Variants in KCNG2 observed in about 807,000 individuals in gnomAD.
The protein encoded by KCNG2 is voltage-gated potassium channel regulatory subunit KCNG2.
KCNG2 carries 7 observed loss-of-function variants against 12.3 expected under a neutral mutation model. The ratio of observed to expected loss-of-function variants is 0.57; its 90% CI spans 0.32 to 1.07. The LOEUF is 1.07. Ranked by LOEUF, KCNG2 falls within the 50% of genes least tolerant of loss-of-function variation. KCNG2 has a pLI of 0.04. For missense variants in KCNG2, 703 were observed against 726.0 expected, an observed-to-expected ratio of 0.97 and a Z score of 0.36; for synonymous variants, 414 against 351.4, an observed-to-expected ratio of 1.18 and a Z score of -1.99.
At position 79,798,025 on chromosome 18, in the gene KCNG2, G is replaced by A. The variant is rs1031786269; in HGVS notation, c.-115+11G>A. ...GAGTCTGGACCGCAGGTAAAGTTGA[G>A]CGCGCCGTGGGGCCGGGGGTGGGGG... On this transcript the variant is annotated intron_variant, in intron 1 of 3. Transcript: ENST00000316249. Among the ~76,000 whole-genome samples the A allele has an allele frequency of 2.0e-5, 3 of 146,686 alleles. No individual in the cohort carries two copies. Among genetic ancestry groups the A allele is most frequent in the Non-Finnish European group, 4.6e-5 (3 of 65,568 alleles).
At chr18:79,817,083 A>G (rs548551394) in intron 1 of KCNG2, among the ~76,000 whole-genome samples, 2 of 150,008 alleles carry the variant, frequency 1.3e-5, no homozygotes, top group African/African-American at 4.9e-5. Flanking sequence ...CACGGCTGCC[A>G]CTCACATGCC....
chr18:79,843,933 A>G (rs1978542121), intron 1 of KCNG2, among the ~76,000 whole-genome samples: 2 of 152,216 alleles, frequency 1.3e-5, no homozygotes, highest in Admixed American at 1.3e-4. Flanking sequence ...AAGACATAGA[A>G]TCACTGAATG....
At position 79,884,622 on chromosome 18, in the gene KCNG2, C is replaced by T. The variant is rs771800397; in HGVS notation, c.625-14418C>T. Among the ~76,000 whole-genome samples the T allele has an allele frequency of 2.0e-5, 3 of 152,172 alleles. No individual in the cohort carries two copies. Among genetic ancestry groups the T allele is most frequent in the Admixed American group, 1.3e-4 (2 of 15,290 alleles). The stretch of plus-strand genomic sequence containing the variant: ...TTCTAGATTCTGGGATTCCTTTCAT[C>T]GTTGCTTTTTGTGTTTTCTACCTAG... On this transcript the variant is annotated intron_variant, in intron 3 of 3. Coordinates refer to ENST00000316249, the MANE Select transcript of KCNG2 (RefSeq NM_012283.2). The surrounding 1 kb of genome is among the most constrained non-coding windows in gnomAD (Gnocchi z 5.5).
At chr18:79,846,409 T>A (rs1978631415) in intron 1 of KCNG2, among the ~76,000 whole-genome samples, 1 of 147,008 alleles carries the variant, frequency 6.8e-6, no homozygotes, top group African/African-American at 2.5e-5. Context: ...TGAGACTCTG[T>A]CTCAGAAAAA....
At position 79,864,285 on chromosome 18, in the gene KCNG2, G is replaced by T; in HGVS notation, c.618G>T (p.Glu206Asp). ...CCATGCCGGACATCCGCGCCGAGGA[G>T]GAGCGGGTGAGCGCGGCCGGGGGTG... Reference protein sequence around the residue: ...LSTMPDIRAEEERGECSPKCR... With the variant: ...LSTMPDIRAEDERGECSPKCR... The change falls in exon 3 of 4, where the codon GAG becomes GAT. Residue 206 changes from glutamate to aspartate, a missense_variant. Physicochemically the swap from Glu to Asp is conservative, Grantham distance 45. Transcript: ENST00000316249. 1 of 1,536,804 alleles carries T rather than the reference G, an allele frequency of 6.5e-7. No individual in the cohort carries two copies. Among genetic ancestry groups the T allele is most frequent in the Non-Finnish European group, 8.7e-7 (1 of 1,148,150 alleles).
rs138022224 is a variant in KCNG2 at position 79,895,953 on chromosome 18, A to G, written c.625-3087A>G. On this transcript the variant is annotated intron_variant, in intron 3 of 3. Coordinates refer to ENST00000316249, the MANE Select transcript of KCNG2 (RefSeq NM_012283.2). The stretch of plus-strand genomic sequence containing the variant: ...TTTTCTAATGGAGCATTTTAATTCC[A>G]CTAATTAGATATATATATGTATTTT... 1.7e-4 allele frequency among the ~76,000 whole-genome samples: 26 copies of G among 152,140 alleles called. 1 individual carries two copies. The East Asian group carries it at 4.8e-3, about 28-fold the overall frequency.
intron 1 of KCNG2, among the ~76,000 whole-genome samples, chr18:79,802,678 C>T (rs1017734175): frequency 5.9e-5 from 9 of 152,190 alleles, no homozygotes; most frequent in African/African-American, 1.9e-4. Flanking sequence ...AGATTCTGAG[C>T]GTACAGTGGT....
chr18:79,897,339 TCTA>T (rs1169567810), intron 3 of KCNG2, among the ~76,000 whole-genome samples: 1 of 152,222 alleles, frequency 6.6e-6, no homozygotes, highest in Non-Finnish European at 1.5e-5. Flanking sequence ...CCAGTTAAAA[TCTA>T]CTTTTAAGCT....
chr18:79,810,029 C>T (rs769787737), intron 1 of KCNG2, among the ~76,000 whole-genome samples: 2 of 152,226 alleles, frequency 1.3e-5, no homozygotes, highest in Admixed American at 6.5e-5. Context: ...CGGAGCCGCC[C>T]GCCCATTGCG....
At chr18:79,827,854 T>C (rs1475833646) in intron 1 of KCNG2, among the ~76,000 whole-genome samples, 5 of 152,186 alleles carry the variant, frequency 3.3e-5, no homozygotes, top group Admixed American at 3.3e-4. Flanking sequence ...ATAATCCTTT[T>C]ACCTATATGT....
intron 3 of KCNG2, among the ~76,000 whole-genome samples, chr18:79,880,917 C>A (rs1329386802): frequency 6.6e-6 from 1 of 152,208 alleles, no homozygotes; most frequent in East Asian, 1.9e-4. Flanking sequence ...ATTTTTAAAA[C>A]AGCACTTTCA....
chr18:79,871,541 A>G (rs1221892199), intron 3 of KCNG2, among the ~76,000 whole-genome samples: 1 of 152,032 alleles, frequency 6.6e-6, no homozygotes. Context: ...GGGCCACAAC[A>G]GATCCAAACT....
intron 1 of KCNG2, among the ~76,000 whole-genome samples, chr18:79,805,383 C>T (rs1359072693): frequency 6.6e-6 from 1 of 152,184 alleles, no homozygotes; most frequent in Non-Finnish European, 1.5e-5. Context: ...GAGGGCCTGC[C>T]GCGCACTCGG....
At chr18:79,840,534 T>C (rs1487734470) in intron 1 of KCNG2, among the ~76,000 whole-genome samples, 1 of 152,130 alleles carries the variant, frequency 6.6e-6, no homozygotes, top group East Asian at 1.9e-4. Context: ...CTCCCCAAAT[T>C]GATATAAAAA....
intron 3 of KCNG2, among the ~76,000 whole-genome samples, chr18:79,877,937 G>A (rs902656266): frequency 2.6e-5 from 4 of 152,202 alleles, no homozygotes; most frequent in Non-Finnish European, 4.4e-5. Context: ...CTTGCCCACC[G>A]GGCTGCATGC....
chr18:79,815,482 A>G (rs971268493), intron 1 of KCNG2, among the ~76,000 whole-genome samples: 9 of 150,938 alleles, frequency 6.0e-5, no homozygotes, highest in African/African-American at 2.2e-4. Context: ...GGTTTATGAG[A>G]GTGTTGGGGA....
At chr18:79,806,301 C>T (rs541203074) in intron 1 of KCNG2, among the ~76,000 whole-genome samples, 5 of 151,930 alleles carry the variant, frequency 3.3e-5, no homozygotes, top group East Asian at 1.9e-4. Flanking sequence ...GCCGCTGTGT[C>T]GGGGGTCGGG....
intron 1 of KCNG2, among the ~76,000 whole-genome samples, chr18:79,834,157 GC>G (rs1430846694): frequency 6.6e-6 from 1 of 152,238 alleles, no homozygotes; most frequent in Non-Finnish European, 1.5e-5. Flanking sequence ...TGCAGCAAGA[GC>G]CCCAGCCAGC....
At chr18:79,863,457 C>A (rs1979299322) in intron 2 of KCNG2, among the ~76,000 whole-genome samples, 171 bp from the exon 3 acceptor site, 3 of 152,356 alleles carry the variant, frequency 2.0e-5, no homozygotes, top group South Asian at 2.1e-4. Flanking sequence ...GTCCCCCATG[C>A]GGACCAGGTG....
Sources: gnomAD v4.1 joint callset for allele counts (sites outside exome capture counted in the v4.1 genomes callset) on GRCh38, gnomAD v4.1.1 for gene constraint, Gnocchi (gnomAD v3.1) non-coding constraint, MANE v1.5 for transcripts, NCBI Gene and HGNC (gene_info 2026-07-23, HGNC 2026-07-21) for gene names.